ANKS1B: variants seen among roughly 807,000 people sequenced by gnomAD.
ANKS1B encodes the protein ankyrin repeat and sterile alpha motif domain containing 1B, also known as ankyrin repeat and sterile alpha motif domain-containing protein 1B.
A neutral mutation model predicts 148.3 loss-of-function variants in ANKS1B; 36 were observed. That is an observed-to-expected ratio of 0.24 (90% confidence interval 0.19 to 0.32). ANKS1B has a LOEUF of 0.32. Ranked by LOEUF, ANKS1B falls within the 10% of genes least tolerant of loss-of-function variation. The pLI is 1.00. For synonymous variants in ANKS1B, 542 were observed against 560.8 expected, an observed-to-expected ratio of 0.97 and a Z score of 0.47; for missense variants, 1,157 against 1,542.6, an observed-to-expected ratio of 0.75 and a Z score of 4.19.
At chr12:99,553,268 T>C (rs2097241390) in intron 9 of ANKS1B, among the ~76,000 whole-genome samples, 1 of 152,160 alleles carries the variant, frequency 6.6e-6, no homozygotes. Flanking sequence ...TAAGGAAAAT[T>C]AGGATAGCCC....
intron 1 of ANKS1B, among the ~76,000 whole-genome samples, chr12:99,935,672 T>G (rs1265369700): frequency 6.6e-6 from 1 of 152,146 alleles, no homozygotes; most frequent in Non-Finnish European, 1.5e-5. Context: ...CAATAAGCCC[T>G]CTAATGCTCC....
Position 99,469,936 on chromosome 12 carries a change from A to G in ANKS1B, c.1439-26127T>C, listed in dbSNP as rs1195671373. 2.6e-5 allele frequency among the ~76,000 whole-genome samples: 4 copies of G among 151,920 alleles called. No homozygotes were observed. The East Asian group carries it at 7.7e-4, about 29-fold the overall frequency. ...GGAGTTCCAGACAAGCCTGGGCAAC[A>G]TAGGAGACCCCCGTATCTTCAAAAA... On this transcript the variant is annotated intron_variant, in intron 10 of 26. Transcript: ENST00000683438.
intron 17 of ANKS1B, among the ~76,000 whole-genome samples, chr12:98,929,615 T>C (rs2099811996): frequency 6.6e-6 from 1 of 151,990 alleles, no homozygotes; most frequent in Admixed American, 6.6e-5. Context: ...GAAAATAATT[T>C]ATATTTTCAG....
At position 98,745,493 on chromosome 12, in the gene ANKS1B, G is replaced by C. The variant is rs2097861711; in HGVS notation, c.*246C>G. ...TGGGAGGTGGTGGGGAGGGGAGTCG[G>C]GAGCATCAGGGAAAACCCATCTCAA... On this transcript the variant is annotated 3_prime_UTR_variant, in exon 27 of 27. Coordinates refer to ENST00000683438, the MANE Select transcript of ANKS1B (RefSeq NM_001352186.2). 1 of 1,187,300 alleles carries C rather than the reference G, an allele frequency of 8.4e-7. No individual in the cohort carries two copies. The allele number at this position is 1,187,300 out of a possible 1,614,324, so 73.5% of individuals were successfully genotyped here. A position where few individuals can be genotyped will look rare whatever the true frequency, so the allele number is the denominator to read the frequency against.
At chr12:99,804,954 C>T (rs892435098) in intron 4 of ANKS1B, among the ~76,000 whole-genome samples, 12 of 152,116 alleles carry the variant, frequency 7.9e-5, no homozygotes, top group African/African-American at 2.9e-4. Flanking sequence ...TCACCCTAGA[C>T]AACATCCAGC....
At chr12:99,632,375 G>A (rs1209942910) in intron 9 of ANKS1B, among the ~76,000 whole-genome samples, 4 of 152,000 alleles carry the variant, frequency 2.6e-5, no homozygotes, top group Non-Finnish European at 5.9e-5. Context: ...GCTAGAGCAA[G>A]AAAAAGTGGA....
At chr12:99,062,842 T>TGC (rs2042892202) in intron 16 of ANKS1B, among the ~76,000 whole-genome samples, 1 of 152,172 alleles carries the variant, frequency 6.6e-6, no homozygotes, top group South Asian at 2.1e-4. Context: ...GCTTGCCTTT[T>TGC]GCTTTGACAC....
intron 8 of ANKS1B, among the ~76,000 whole-genome samples, chr12:99,658,074 A>G (rs1286495890): frequency 6.6e-6 from 1 of 152,120 alleles, no homozygotes; most frequent in African/African-American, 2.4e-5. Flanking sequence ...GATTATAACC[A>G]GGTGGAATTG....
At chr12:99,972,925 CT>C (rs1487459918) in intron 1 of ANKS1B, among the ~76,000 whole-genome samples, 1 of 152,164 alleles carries the variant, frequency 6.6e-6, no homozygotes, top group Non-Finnish European at 1.5e-5. Flanking sequence ...TCCTAGGGCC[CT>C]TAAAAATGAT....
At chr12:98,880,218 A>C (rs1353743832) in intron 17 of ANKS1B, among the ~76,000 whole-genome samples, 1 of 152,198 alleles carries the variant, frequency 6.6e-6, no homozygotes, top group African/African-American at 2.4e-5. Context: ...CATATTTAGG[A>C]TTACCAAGTT....
At chr12:98,889,668 A>G (rs1323189894) in intron 17 of ANKS1B, among the ~76,000 whole-genome samples, 1 of 152,230 alleles carries the variant, frequency 6.6e-6, no homozygotes, top group Non-Finnish European at 1.5e-5. Flanking sequence ...TAAGAGCTGC[A>G]GAAGTTTCTG....
At chr12:99,736,309 T>C (rs2059610950) in intron 8 of ANKS1B, among the ~76,000 whole-genome samples, 3 of 151,830 alleles carry the variant, frequency 2.0e-5, no homozygotes, top group South Asian at 4.2e-4. Context: ...AGTAAAATTG[T>C]CCCTCTTTGC....
chr12:99,870,892 G>GT (rs1225741369), intron 1 of ANKS1B, among the ~76,000 whole-genome samples: 1 of 152,114 alleles, frequency 6.6e-6, no homozygotes, highest in Non-Finnish European at 1.5e-5. Context: ...TCTGTTGATA[G>GT]TTTCTCTTGC....
chr12:98,922,645 T>G (rs900227403), intron 17 of ANKS1B, among the ~76,000 whole-genome samples: 2 of 152,012 alleles, frequency 1.3e-5, no homozygotes, highest in African/African-American at 4.8e-5. Context: ...ATTATAGGCA[T>G]GCACCACCAC....
chr12:98,782,164 T>C, intron 22 of ANKS1B, 27 bp from the exon 23 acceptor site: 2 of 1,588,230 alleles, frequency 1.3e-6, no homozygotes, highest in Non-Finnish European at 1.7e-6. Context: ...TTAAGACAGA[T>C]GGGAACATAA....
At chr12:98,973,832 C>T (rs990423356) in intron 17 of ANKS1B, among the ~76,000 whole-genome samples, 1 of 151,892 alleles carries the variant, frequency 6.6e-6, no homozygotes, top group African/African-American at 2.4e-5. Flanking sequence ...CTATCTATAT[C>T]TATCACAGAT....
At chr12:99,285,356 T>C (rs1472261540) in intron 12 of ANKS1B, among the ~76,000 whole-genome samples, 4 of 152,246 alleles carry the variant, frequency 2.6e-5, no homozygotes, top group African/African-American at 4.8e-5. Flanking sequence ...TATTTATCCA[T>C]TCACCTACTG....
rs1349866614 is a variant in ANKS1B, at chr12:99,812,320, G to A, written c.216-9C>T. 6.2e-7 allele frequency: 1 copy of A among 1,600,774 alleles called. No homozygotes were observed. The highest frequency in any genetic ancestry group is 1.1e-5 in the South Asian group (1 of 89,268). The stretch of plus-strand genomic sequence containing the variant: ...GTTTGAGAACTATGTCCCTAAAAAG[G>A]AAAAAACAACAACAACAAAATAGGC... On this transcript the variant is annotated splice_polypyrimidine_tract_variant and intron_variant, in intron 2 of 26. Transcript: ENST00000683438.
chr12:99,376,149 A>C (rs2093382335), intron 12 of ANKS1B, among the ~76,000 whole-genome samples: 1 of 152,188 alleles, frequency 6.6e-6, no homozygotes, highest in African/African-American at 2.4e-5. Flanking sequence ...TCTTTTCTTT[A>C]CTCAGTTATG....
Sources: allele counts gnomAD v4.1 joint callset (sites outside exome capture counted in the v4.1 genomes callset), GRCh38; gene constraint gnomAD v4.1.1; transcripts MANE v1.5; gene names NCBI Gene and HGNC (gene_info 2026-07-23, HGNC 2026-07-21).